The following DYDC2 variants were observed in gnomAD, a reference collection of about 807,000 sequenced individuals.
The protein encoded by DYDC2 is DPY30 domain-containing protein 2.
DYDC2 carries 19 observed loss-of-function variants against 18.7 expected under a neutral mutation model. The ratio of observed to expected loss-of-function variants is 1.02; its 90% CI spans 0.71 to 1.49. DYDC2 has a LOEUF of 1.49. DYDC2 is among the 40% of genes most tolerant of loss of function. The pLI, the probability that DYDC2 is intolerant of heterozygous loss-of-function variation, is 0.00. For synonymous variants in DYDC2, 63 were observed against 67.6 expected (o/e 0.93, Z 0.34); for missense variants, 179 against 205.1 (o/e 0.87, Z 0.78).
intron 4 of DYDC2, among the ~76,000 whole-genome samples, chr10:80,364,301 T>A (rs1349789786): frequency 6.6e-6 from 1 of 152,238 alleles, no homozygotes; most frequent in Non-Finnish European, 1.5e-5. Flanking sequence ...GACAATAGTC[T>A]AAAGGAACTC....
chr10:80,354,824 C>T (rs1843256453), upstream of DYDC2, among the ~76,000 whole-genome samples: 1 of 152,166 alleles, frequency 6.6e-6, no homozygotes, highest in Non-Finnish European at 1.5e-5. Flanking sequence ...TTTAGACTTC[C>T]CAGCCTCCAG....
chr10:80,347,905 T>C (rs1267944267), intron 1 of DYDC2, among the ~76,000 whole-genome samples: 1 of 152,206 alleles, frequency 6.6e-6, no homozygotes, highest in Admixed American at 6.5e-5. Context: ...CAACTTCGTT[T>C]TTCTTTCTTA....
chr10:80,366,552 T>C (rs1843843245), intron 4 of DYDC2, 136 bp from the exon 5 acceptor site: 1 of 1,062,988 alleles, frequency 9.4e-7, no homozygotes, highest in Non-Finnish European at 1.4e-6. Flanking sequence ...TTTGGTTTTA[T>C]GCTTTGTTAA....
chr10:80,352,694 C>T (rs1843077056), upstream of DYDC2: 8 of 1,438,474 alleles, frequency 5.6e-6, no homozygotes, highest in South Asian at 1.1e-4. Flanking sequence ...GTGAACAAAG[C>T]CTTACATACA....
intron 4 of DYDC2, among the ~76,000 whole-genome samples, chr10:80,363,801 T>C (rs1843740877): frequency 6.6e-6 from 1 of 152,208 alleles, no homozygotes; most frequent in Non-Finnish European, 1.5e-5. Flanking sequence ...TAGTATTTAG[T>C]ATTTGGTTTA....
At chr10:80,362,634 G>A (rs1418031410) in intron 3 of DYDC2, 44 bp downstream of exon 3, 1 of 1,553,166 alleles carries the variant, frequency 6.4e-7, no homozygotes, top group Admixed American at 1.9e-5. Context: ...AGCTTTCCCA[G>A]AGTAATTTGA....
rs950410947 is a variant in DYDC2, at chr10:80,367,088, C to T, written c.*137C>T. ...CAGCCTACTCCTTTTCTGAAAAACC[C>T]TTAATCATGTGAACATTTGAACTAG... On this transcript the variant is annotated 3_prime_UTR_variant, in exon 5 of 5. Coordinates refer to ENST00000256039, the MANE Select transcript of DYDC2 (RefSeq NM_032372.6). The T allele has an allele frequency of 1.9e-6, 2 of 1,057,656 alleles. No individual in the cohort carries two copies. The highest frequency in any genetic ancestry group is 2.7e-6 in the Non-Finnish European group (2 of 738,700). The allele number at this position is 1,057,656 out of a possible 1,614,324, so 65.5% of individuals were successfully genotyped here. A position where few individuals can be genotyped will look rare whatever the true frequency, so the allele number is the denominator to read the frequency against.
At position 80,360,528 on chromosome 10, in the gene DYDC2, C is replaced by T. The variant is rs549276826; in HGVS notation, c.-9-1907C>T. Among the ~76,000 whole-genome samples, 7 of 152,258 alleles carry T rather than the reference C, an allele frequency of 4.6e-5. No homozygotes were observed. In the East Asian group the frequency reaches 1.4e-3, roughly 29 times the overall value. ...TAATTTAATCACAGTTACAAAGTCT[C>T]TTTTGCCATTTAAGGTGACATATTC... On this transcript the variant is annotated intron_variant, in intron 2 of 4. Transcript: ENST00000256039.
In DYDC2 at chr10:80,356,798, C is replaced by A. The variant is rs1296792864; in HGVS notation, c.-190C>A. 1 of 985,578 alleles carries A rather than the reference C, an allele frequency of 1.0e-6. No individual in the cohort carries two copies. 61.1% of individuals were successfully genotyped at this position (985,578 alleles called of 1,614,324 possible). ...CGCGCCTCAGGAGCCAGTGTAGGCG[C>A]CGCAAAGCGGAAGGGGCGCGCGGAT... On this transcript the variant is annotated 5_prime_UTR_variant, in exon 1 of 5. Transcript: ENST00000256039.
In DYDC2 at chr10:80,367,247, ACCC is replaced by A; in HGVS notation, c.*297_*299del. On this transcript the variant is annotated 3_prime_UTR_variant, in exon 5 of 5. Transcript: ENST00000256039. ...ATCTGTTGGGGTGATCAGACCCAAC[ACCC>A]GGCCATGGGGGCTACAAAGTCCAGC... 2 of 252,192 alleles carry A rather than the reference ACCC, an allele frequency of 7.9e-6. No individual in the cohort carries two copies. Among genetic ancestry groups the A allele is most frequent in the Non-Finnish European group, 7.5e-6 (1 of 134,180 alleles). The allele number at this position is 252,192 out of a possible 1,614,324, so 15.6% of individuals were successfully genotyped here.
intron 1 of DYDC2, among the ~76,000 whole-genome samples, chr10:80,345,873 T>C (rs1842589822): frequency 6.6e-6 from 1 of 152,218 alleles, no homozygotes; most frequent in African/African-American, 2.4e-5. Flanking sequence ...CTTACGTTTT[T>C]TCAAGACAGG....
At chr10:80,351,836 G>T, upstream of DYDC2, 2 of 1,435,688 alleles carry the variant, frequency 1.4e-6, no homozygotes, top group Non-Finnish European at 1.9e-6. Flanking sequence ...CAACATTTAG[G>T]CTGTGCCATG....
At chr10:80,347,370 A>T (rs1842732666) in intron 1 of DYDC2, among the ~76,000 whole-genome samples, 1 of 137,078 alleles carries the variant, frequency 7.3e-6, no homozygotes, top group African/African-American at 2.8e-5. Flanking sequence ...TATCAGATAT[A>T]TGGTTCACAA....
In DYDC2 at chr10:80,365,163, A is replaced by C. The variant is rs560869644; in HGVS notation, c.271-1525A>C. Among the ~76,000 whole-genome samples the C allele has an allele frequency of 3.9e-5, 6 of 152,338 alleles. No individual in the cohort carries two copies. In the South Asian group the frequency reaches 1.2e-3, roughly 32 times the overall value. On this transcript the variant is annotated intron_variant, in intron 4 of 4. Transcript: ENST00000256039. Reference sequence around the variant, plus strand: ...TTTTCCTTGATCGCTTTAAAAAAAAACAAAAAAACATCATGACTTGGATAC... The same window carrying C: ...TTTTCCTTGATCGCTTTAAAAAAAACCAAAAAAACATCATGACTTGGATAC...
upstream of DYDC2, chr10:80,352,016 A>G (rs777396238): frequency 8.1e-6 from 13 of 1,612,090 alleles, no homozygotes; most frequent in South Asian, 1.3e-4. Flanking sequence ...GCATTGTTTA[A>G]AAACAACAGC....
At chr10:80,352,844 T>G (rs1843086112), upstream of DYDC2, 2 of 375,654 alleles carry the variant, frequency 5.3e-6, no homozygotes, top group Non-Finnish European at 9.1e-6. Flanking sequence ...GACTCTCAAG[T>G]CCAAGAGTCA....
intron 2 of DYDC2, among the ~76,000 whole-genome samples, chr10:80,358,971 G>C (rs1038469708): frequency 6.6e-6 from 1 of 152,220 alleles, no homozygotes; most frequent in African/African-American, 2.4e-5. Context: ...CATAAAGGCA[G>C]TGCAGACCCA....
At chr10:80,349,636 A>G (rs1842871707) in intron 1 of DYDC2, among the ~76,000 whole-genome samples, 1 of 152,228 alleles carries the variant, frequency 6.6e-6, no homozygotes, top group South Asian at 2.1e-4. Context: ...GTTTCAATCA[A>G]CTTTCAGACA....
chr10:80,351,680 T>C (rs1842986739), intron 1 of DYDC2, among the ~76,000 whole-genome samples: 2 of 152,164 alleles, frequency 1.3e-5, no homozygotes, highest in African/African-American at 4.8e-5. Context: ...GCAACAACAG[T>C]GTGGAAAGGA....
Sources: gnomAD v4.1 joint callset for allele counts (sites outside exome capture counted in the v4.1 genomes callset) on GRCh38, gnomAD v4.1.1 for gene constraint, MANE v1.5 for transcripts, NCBI Gene and HGNC (gene_info 2026-07-23, HGNC 2026-07-21) for gene names.